Variants in YAF2 observed in about 807,000 individuals in gnomAD.
YAF2 encodes the protein YY1-associated factor 2.
In YAF2, 7 loss-of-function variants were observed where a neutral mutation model predicts 20.1. The ratio of observed to expected loss-of-function variants is 0.35; its 90% CI spans 0.20 to 0.65. The LOEUF (loss-of-function observed/expected upper bound fraction) is 0.65. Among genes scored for constraint, YAF2 ranks in the 30% least tolerant of loss-of-function variants. The probability of loss-of-function intolerance (pLI) is 0.69; values close to 1 mark genes in which losing one functional copy is unlikely to be tolerated. For missense variants in YAF2, 151 were observed against 219.2 expected, an observed-to-expected ratio of 0.69 and a Z score of 1.96; for synonymous variants, 74 against 76.0, an observed-to-expected ratio of 0.97 and a Z score of 0.14.
At chr12:42,206,360 G>A (rs995979338) in intron 2 of YAF2, among the ~76,000 whole-genome samples, 1 of 150,078 alleles carries the variant, frequency 6.7e-6, no homozygotes, top group East Asian at 2.0e-4. Context: ...TGTAATCCCA[G>A]CACCTTGGGA....
rs74936057 is a variant in YAF2, at chr12:42,216,975, C to T, written c.152+20624G>A. Reference sequence around the variant, plus strand: ...CAACCATCAAGTTCCACAGATCTCTCCTAAACACATCTATAATACATTCAT... The same window carrying T: ...CAACCATCAAGTTCCACAGATCTCTTCTAAACACATCTATAATACATTCAT... On this transcript the variant is annotated intron_variant, in intron 2 of 3. Transcript: ENST00000534854. Among the ~76,000 whole-genome samples the T allele has an allele frequency of 8.5e-3, 1,289 of 152,302 alleles. 17 individuals carry two copies. The highest frequency in any genetic ancestry group is 0.03 in the African/African-American group (1,233 of 41,560).
Position 42,238,171 on chromosome 12 carries a change from T to C in YAF2, c.10A>G (p.Lys4Glu), listed in dbSNP as rs779351841. Residue 4 changes from lysine (K) to glutamate (E), a missense_variant, in exon 1 of 4, where the codon AAG becomes GAG. Physicochemically the swap from Lys to Glu is moderately conservative, Grantham distance 56. Coordinates refer to ENST00000534854, the MANE Select transcript of YAF2 (RefSeq NM_005748.6). ...CGCTGTTACCTGGTGGGGCTCTTCT[T>C]GTCTCCCATGGCTTGGCTATCACCG... MGDKKSPTRPKRQP... is the reference protein window; with the variant it reads MGDEKSPTRPKRQP... 6.7e-5 allele frequency: 103 copies of C among 1,542,224 alleles called. No individual in the cohort carries two copies. Among genetic ancestry groups the C allele is most frequent in the Non-Finnish European group, 8.2e-5 (94 of 1,145,126 alleles).
intron 2 of YAF2, among the ~76,000 whole-genome samples, chr12:42,222,345 A>C (rs1330823105): frequency 6.6e-6 from 1 of 152,208 alleles, no homozygotes; most frequent in African/African-American, 2.4e-5. Flanking sequence ...AATAAGCAAA[A>C]AAACCTTTCA....
rs751379150 is a variant in YAF2, at chr12:42,235,678, A to G, written c.152+1921T>C. On this transcript the variant is annotated intron_variant, in intron 2 of 3. Transcript: ENST00000534854. ...CCCAGAGCCTCTTCAGTTTCAATCC[A>G]AATGACAATGCTTCTCTGAGTCCTC... The G allele has an allele frequency of 1.1e-5, 17 of 1,528,874 alleles. 1 individual carries two copies. In the South Asian group the frequency reaches 2.1e-4, roughly 18 times the overall value. 94.7% of individuals were successfully genotyped at this position (1,528,874 alleles called of 1,614,324 possible).
rs571348435 is a variant in YAF2, at chr12:42,188,019, GTTATC to G, written c.153-26259_153-26255del. ...CCTTCAGGTAACTGCAGCCTCAGCT[GTTATC>G]TTAGTTGCACCCTCAGGAGAAACCC... On this transcript the variant is annotated intron_variant, in intron 2 of 3. Coordinates refer to ENST00000534854, the MANE Select transcript of YAF2 (RefSeq NM_005748.6). Among the ~76,000 whole-genome samples the G allele has an allele frequency of 5.3e-5, 8 of 152,308 alleles. No homozygotes were observed. The South Asian group carries it at 1.7e-3, about 32-fold the overall frequency.
At chr12:42,171,324 A>C (rs1230231163) in intron 2 of YAF2, among the ~76,000 whole-genome samples, 1 of 152,084 alleles carries the variant, frequency 6.6e-6, no homozygotes, top group Non-Finnish European at 1.5e-5. Flanking sequence ...CTAATATTGT[A>C]AAGTAGGTAA....
chr12:42,238,230 T>A lies in YAF2; in HGVS notation c.-50A>T. On this transcript the variant is annotated 5_prime_UTR_variant, in exon 1 of 4. Transcript: ENST00000534854. ...GAGTCGCCGCCGCGACCGCTCTGTTTGTCAATAAGGAGGATAATAAGCCGG... is the reference window on the plus strand; with the variant it reads ...GAGTCGCCGCCGCGACCGCTCTGTTAGTCAATAAGGAGGATAATAAGCCGG... 1 of 1,401,662 alleles carries A rather than the reference T, an allele frequency of 7.1e-7. No homozygotes were observed. Among genetic ancestry groups the A allele is most frequent in the Non-Finnish European group, 9.4e-7 (1 of 1,063,420 alleles). 86.8% of individuals were successfully genotyped at this position (1,401,662 alleles called of 1,614,324 possible).
chr12:42,185,797 T>C (rs1809921715), intron 2 of YAF2, among the ~76,000 whole-genome samples: 1 of 152,252 alleles, frequency 6.6e-6, no homozygotes, highest in African/African-American at 2.4e-5. Flanking sequence ...AACTTTTATA[T>C]GAACTAGGAA....
intron 2 of YAF2, among the ~76,000 whole-genome samples, chr12:42,209,875 C>G (rs907181323): frequency 2.0e-5 from 3 of 152,034 alleles, no homozygotes; most frequent in African/African-American, 7.3e-5. Flanking sequence ...CTCAGCTCAC[C>G]GCAACCTCTG....
At chr12:42,213,987 C>T (rs1405855693) in intron 2 of YAF2, among the ~76,000 whole-genome samples, 1 of 152,180 alleles carries the variant, frequency 6.6e-6, no homozygotes, top group Admixed American at 6.5e-5. Flanking sequence ...CCCAACTAGT[C>T]TTTCTATTTA....
chr12:42,196,332 G>A (rs781762396), intron 2 of YAF2, among the ~76,000 whole-genome samples: 4 of 151,660 alleles, frequency 2.6e-5, no homozygotes, highest in Non-Finnish European at 5.9e-5. Flanking sequence ...TCACCTATAA[G>A]TGGGTGGCAA....
At chr12:42,206,090 T>G (rs572920959) in intron 2 of YAF2, among the ~76,000 whole-genome samples, 1 of 152,248 alleles carries the variant, frequency 6.6e-6, no homozygotes, top group South Asian at 2.1e-4. Context: ...TCTGCATTTC[T>G]CTGTGCTTGT....
rs536413098 is a variant in YAF2 at position 42,161,900 on chromosome 12, T to C, written c.153-135A>G. ...GTATAAAAATTCCTCATATGTAAGG[T>C]AATTTAAATATACAATTTTAAAGAT... On this transcript the variant is annotated intron_variant, in intron 2 of 3. Transcript: ENST00000534854. The C allele has an allele frequency of 3.4e-5, 26 of 754,828 alleles. No homozygotes were observed. In the African/African-American group the frequency reaches 4.4e-4, roughly 13 times the overall value. 46.8% of individuals were successfully genotyped at this position (754,828 alleles called of 1,614,324 possible).
chr12:42,230,601 A>G (rs1020456113), intron 2 of YAF2, among the ~76,000 whole-genome samples: 1 of 152,260 alleles, frequency 6.6e-6, no homozygotes, highest in African/African-American at 2.4e-5. Context: ...CAGAAGTGAT[A>G]TGGGCTTCTG....
chr12:42,195,586 T>C (rs535008458), intron 2 of YAF2, among the ~76,000 whole-genome samples: 1 of 152,312 alleles, frequency 6.6e-6, no homozygotes, highest in South Asian at 2.1e-4. Context: ...AGGCTCAGAA[T>C]TAATGATTAT....
chr12:42,202,401 C>A (rs529186155), intron 2 of YAF2, among the ~76,000 whole-genome samples: 2 of 152,298 alleles, frequency 1.3e-5, no homozygotes, highest in East Asian at 3.9e-4. Flanking sequence ...CCAGGAGGCT[C>A]CCTCACGATC....
intron 1 of YAF2, 94 bp from the exon 2 acceptor site, chr12:42,237,818 G>T (rs923741223): frequency 8.4e-5 from 70 of 834,636 alleles, no homozygotes; most frequent in Non-Finnish European, 8.9e-5. Flanking sequence ...CCCGCCCCCC[G>T]CCCCAATTCT....
At chr12:42,215,677 C>T (rs2067333050) in intron 2 of YAF2, among the ~76,000 whole-genome samples, 1 of 152,168 alleles carries the variant, frequency 6.6e-6, no homozygotes, top group Non-Finnish European at 1.5e-5. Context: ...AATCCCAGCA[C>T]TTTGGGAGGC....
At chr12:42,181,370 A>G (rs1044448806) in intron 2 of YAF2, among the ~76,000 whole-genome samples, 1 of 152,178 alleles carries the variant, frequency 6.6e-6, no homozygotes, top group Non-Finnish European at 1.5e-5. Flanking sequence ...CACTGGTTTT[A>G]AGAGTCATAG....
Sources: allele counts gnomAD v4.1 joint callset (sites outside exome capture counted in the v4.1 genomes callset), GRCh38; gene constraint gnomAD v4.1.1; transcripts MANE v1.5; gene names NCBI Gene and HGNC (gene_info 2026-07-23, HGNC 2026-07-21).